TNNI3K: variants seen among roughly 807,000 people sequenced by gnomAD.
TNNI3K encodes the protein TNNI3 interacting kinase, also known as serine/threonine-protein kinase TNNI3K.
A neutral mutation model predicts 114.5 loss-of-function variants in TNNI3K; 140 were observed. That is an observed-to-expected ratio of 1.22 (90% CI 1.07 to 1.41). The LOEUF (loss-of-function observed/expected upper bound fraction) is 1.41. Among genes scored for constraint, TNNI3K ranks in the 40% most tolerant of loss-of-function variants. The probability of loss-of-function intolerance (pLI) is 0.00; values close to 1 mark genes in which losing one functional copy is unlikely to be tolerated. For synonymous variants in TNNI3K, 347 were observed against 347.5 expected, an observed-to-expected ratio of 1.00 and a Z score of 0.02; for missense variants, 1,125 against 1,007.6, an observed-to-expected ratio of 1.12 and a Z score of -1.58.
chr1:74,445,070 C>T (rs1159739858), intron 20 of TNNI3K, among the ~76,000 whole-genome samples: 1 of 152,070 alleles, frequency 6.6e-6, no homozygotes, highest in African/African-American at 2.4e-5. Context: ...AAACCCAAAA[C>T]CATAAAAACC....
In TNNI3K at chr1:74,267,168, C is replaced by A. The variant is rs148368091; in HGVS notation, c.334-4430C>A. On this transcript the variant is annotated intron_variant, in intron 4 of 24. Transcript: ENST00000326637. ...TTAAAAACATTGCCATTAGACATTT[C>A]TTATATATGGTAAACTGCAAGCAAT... Among the ~76,000 whole-genome samples the A allele has an allele frequency of 7.9e-5, 12 of 151,954 alleles. 1 individual carries two copies. The East Asian group carries it at 2.3e-3, about 29-fold the overall frequency.
intron 5 of TNNI3K, among the ~76,000 whole-genome samples, chr1:74,297,688 T>A (rs1658081016): frequency 6.6e-6 from 1 of 152,170 alleles, no homozygotes; most frequent in South Asian, 2.1e-4. Flanking sequence ...TTTCATTTAT[T>A]TTCATTTGGG....
chr1:74,503,702 G>T (rs78132824), intron 23 of TNNI3K, among the ~76,000 whole-genome samples: 2,235 of 152,292 alleles, frequency 0.015, 52 homozygotes, highest in East Asian at 0.069. Flanking sequence ...AGGCAAAGGA[G>T]AGAAGCTAGA....
At chr1:74,355,142 T>G (rs1185172035) in intron 11 of TNNI3K, among the ~76,000 whole-genome samples, 1 of 152,200 alleles carries the variant, frequency 6.6e-6, no homozygotes, top group Non-Finnish European at 1.5e-5. Context: ...ATTTTAATTG[T>G]TATTTTAACT....
At position 74,492,064 on chromosome 1, in the gene TNNI3K, T is replaced by C. The variant is rs1249431013; in HGVS notation, c.2182-33T>C. 6 of 1,484,170 alleles carry C rather than the reference T, an allele frequency of 4.0e-6. No individual in the cohort carries two copies. In the East Asian group the frequency reaches 1.4e-4, roughly 35 times the overall value. 91.9% of individuals were successfully genotyped at this position (1,484,170 alleles called of 1,614,324 possible). A position where few individuals can be genotyped will look rare whatever the true frequency, so the allele number is the denominator to read the frequency against. On this transcript the variant is annotated intron_variant, in intron 22 of 24. Coordinates refer to ENST00000326637, the MANE Select transcript of TNNI3K (RefSeq NM_015978.3). ...TATGTCTTCACACCTGTTGGAAGTA[T>C]TAAACAATTGAAATTGCCCCTCCTC...
At chr1:74,276,975 A>T (rs1033612843) in intron 5 of TNNI3K, among the ~76,000 whole-genome samples, 3 of 152,122 alleles carry the variant, frequency 2.0e-5, no homozygotes, top group Non-Finnish European at 4.4e-5. Context: ...TCTTTGACTG[A>T]TACATCCATC....
chr1:74,317,325 TGTA>T (rs1659369681), intron 5 of TNNI3K, among the ~76,000 whole-genome samples: 2 of 152,216 alleles, frequency 1.3e-5, no homozygotes. Context: ...TAGTATTAGC[TGTA>T]GTAGTAACAA....
chr1:74,349,874 T>G (rs1661235936), intron 9 of TNNI3K, among the ~76,000 whole-genome samples: 1 of 152,212 alleles, frequency 6.6e-6, no homozygotes, highest in South Asian at 2.1e-4. Flanking sequence ...CCTTCTTTAT[T>G]AGTCTTGCTA....
chr1:74,247,244 G>A (rs575338278), intron 2 of TNNI3K, among the ~76,000 whole-genome samples: 77 of 152,122 alleles, frequency 5.1e-4, no homozygotes, highest in African/African-American at 1.4e-3. Flanking sequence ...GCCGACCTTC[G>A]CAGTGAGTGT....
chr1:74,482,097 C>T (rs192589829), intron 21 of TNNI3K, among the ~76,000 whole-genome samples: 11 of 152,056 alleles, frequency 7.2e-5, no homozygotes, highest in African/African-American at 1.4e-4. Flanking sequence ...CTGGCCAGTT[C>T]GGCATTTTGT....
At chr1:74,313,422 C>G (rs1328171807) in intron 5 of TNNI3K, among the ~76,000 whole-genome samples, 1 of 152,166 alleles carries the variant, frequency 6.6e-6, no homozygotes, top group African/African-American at 2.4e-5. Flanking sequence ...TGAAGCCACC[C>G]TAGACTCATA....
Position 74,389,106 on chromosome 1 carries a change from T to C in TNNI3K, c.1772+18714T>C, listed in dbSNP as rs143566697. On this transcript the variant is annotated intron_variant, in intron 17 of 24. Coordinates refer to ENST00000326637, the MANE Select transcript of TNNI3K (RefSeq NM_015978.3). The stretch of plus-strand genomic sequence containing the variant: ...GATACAAGACTCTCTGGCAGTGTTA[T>C]GGAGAGTGGCTTAGTACAGGAGCAT... 4.9e-3 allele frequency among the ~76,000 whole-genome samples: 748 copies of C among 152,316 alleles called. 7 individuals are homozygous for C. Among genetic ancestry groups the C allele is most frequent in the Middle Eastern group, 0.044 (13 of 294 alleles).
chr1:74,501,366 GACC>G (rs1279067555), intron 23 of TNNI3K, among the ~76,000 whole-genome samples: 2 of 152,106 alleles, frequency 1.3e-5, no homozygotes, highest in African/African-American at 4.8e-5. Context: ...AAAAGCTGTA[GACC>G]TGCTCCATAC....
intron 23 of TNNI3K, among the ~76,000 whole-genome samples, chr1:74,507,102 C>G (rs185857243): frequency 6.6e-6 from 1 of 152,002 alleles, no homozygotes. Flanking sequence ...GTGTGCTGAT[C>G]GCAAGATCCC....
intron 5 of TNNI3K, among the ~76,000 whole-genome samples, chr1:74,291,743 TA>T (rs1470380205): frequency 1.3e-5 from 2 of 151,514 alleles, no homozygotes; most frequent in Non-Finnish European, 3.0e-5. Context: ...CTCAATTTCA[TA>T]AAGATATTTT....
At chr1:74,485,735 C>A (rs181938873) in intron 21 of TNNI3K, among the ~76,000 whole-genome samples, 87 of 152,244 alleles carry the variant, frequency 5.7e-4, no homozygotes, top group African/African-American at 1.9e-3. Flanking sequence ...GTGCCCTTGC[C>A]GGTTAGGAAA....
chr1:74,421,849 C>A (rs1665410684), intron 17 of TNNI3K, among the ~76,000 whole-genome samples: 1 of 151,952 alleles, frequency 6.6e-6, no homozygotes, highest in Admixed American at 6.6e-5. Context: ...ACCAAACTCC[C>A]AGGTTTTCAA....
In TNNI3K at chr1:74,251,599, G is replaced by T. The variant is rs139079578; in HGVS notation, c.333+830G>T. Among the ~76,000 whole-genome samples, 16 of 152,234 alleles carry T rather than the reference G, an allele frequency of 1.1e-4. 1 individual carries two copies. Among genetic ancestry groups the T allele is most frequent in the African/African-American group, 3.4e-4 (14 of 41,522 alleles). On this transcript the variant is annotated intron_variant, in intron 4 of 24. Coordinates refer to ENST00000326637, the MANE Select transcript of TNNI3K (RefSeq NM_015978.3). ...GCTCATTACTCCCAGAATCTTATTTGTATATTGCGTATTTTGTTCTTTCTC... is the reference window on the plus strand; with the variant it reads ...GCTCATTACTCCCAGAATCTTATTTTTATATTGCGTATTTTGTTCTTTCTC...
At chr1:74,364,560 G>C (rs963578383) in intron 11 of TNNI3K, among the ~76,000 whole-genome samples, 2 of 151,030 alleles carry the variant, frequency 1.3e-5, no homozygotes, top group African/African-American at 4.9e-5. Context: ...AATGCCCCCC[G>C]CCACCCCCAA....
Sources: allele counts gnomAD v4.1 joint callset (sites outside exome capture counted in the v4.1 genomes callset), GRCh38; gene constraint gnomAD v4.1.1; transcripts MANE v1.5; gene names NCBI Gene and HGNC (gene_info 2026-07-23, HGNC 2026-07-21).